LRRTM4: variants seen among roughly 807,000 people sequenced by gnomAD.
LRRTM4 encodes the protein leucine rich repeat transmembrane neuronal 4.
LRRTM4 carries 25 observed loss-of-function variants against 47.6 expected under a neutral mutation model. That is an observed-to-expected ratio of 0.53 (90% CI 0.38 to 0.73). The LOEUF is 0.73. Among genes scored for constraint, LRRTM4 ranks in the 30% least tolerant of loss-of-function variants. LRRTM4 has a pLI of 0.00. For synonymous variants in LRRTM4, 311 were observed against 269.5 expected (o/e 1.15, Z -1.51); for missense variants, 638 against 713.4 (o/e 0.89, Z 1.20).
At position 77,079,492 on chromosome 2, in the gene LRRTM4, G is replaced by A. The variant is rs189357130; in HGVS notation, c.1552-330576C>T. ...ACTTTGAATGCAGCACAACACAAAC[G>A]TATAAACTTTCTTAAAACATGAGAT... On this transcript the variant is annotated intron_variant, in intron 3 of 3. Transcript: ENST00000409884. 4.4e-3 allele frequency among the ~76,000 whole-genome samples: 675 copies of A among 152,220 alleles called. 9 individuals carry two copies. Among genetic ancestry groups the A allele is most frequent in the African/African-American group, 0.015 (629 of 41,540 alleles).
chr2:77,076,685 T>G (rs1680347290), intron 3 of LRRTM4, among the ~76,000 whole-genome samples: 1 of 152,218 alleles, frequency 6.6e-6, no homozygotes, highest in Non-Finnish European at 1.5e-5. Context: ...ATAGAAATGA[T>G]AGAATAAAAG....
chr2:77,416,009 C>T (rs1480562679), intron 3 of LRRTM4, among the ~76,000 whole-genome samples: 1 of 151,892 alleles, frequency 6.6e-6, no homozygotes, highest in Non-Finnish European at 1.5e-5. Flanking sequence ...ATATAATTGG[C>T]TAATATTTCC....
chr2:77,051,068 T>C (rs909961718), intron 3 of LRRTM4, among the ~76,000 whole-genome samples: 1 of 151,976 alleles, frequency 6.6e-6, no homozygotes, highest in Non-Finnish European at 1.5e-5. Flanking sequence ...CGGTTCTTCA[T>C]TCTGGGCAGT....
At chr2:76,807,929 T>G (rs1670589921) in intron 3 of LRRTM4, among the ~76,000 whole-genome samples, 1 of 126,788 alleles carries the variant, frequency 7.9e-6, no homozygotes, top group African/African-American at 3.3e-5. Flanking sequence ...CTTTCTTTCC[T>G]TTCCTTTCTT....
chr2:76,829,385 A>C (rs1671272199), intron 3 of LRRTM4, among the ~76,000 whole-genome samples: 2 of 151,944 alleles, frequency 1.3e-5, no homozygotes, highest in African/African-American at 4.8e-5. Flanking sequence ...ACAAATACAA[A>C]GGGCTCCCTT....
chr2:76,969,454 A>T (rs991244287), intron 3 of LRRTM4, among the ~76,000 whole-genome samples: 2 of 151,946 alleles, frequency 1.3e-5, no homozygotes, highest in African/African-American at 4.8e-5. Context: ...GAAAAGTTGT[A>T]AGAGCAGATC....
rs949612333 is a variant in LRRTM4 at position 76,824,895 on chromosome 2, G to A, written c.1552-75979C>T. 3.3e-5 allele frequency among the ~76,000 whole-genome samples: 5 copies of A among 151,538 alleles called. No individual in the cohort carries two copies. The Admixed American group carries it at 3.3e-4, about 10-fold the overall frequency. ...GAAGCAATGGGAACAAAAGTAATCA[G>A]GACAGATTTCACAGCATACATCTAG... On this transcript the variant is annotated intron_variant, in intron 3 of 3. Coordinates refer to ENST00000409884, the MANE Select transcript of LRRTM4 (RefSeq NM_001134745.3).
At chr2:77,333,949 C>T (rs290038) in intron 3 of LRRTM4, among the ~76,000 whole-genome samples, 9,188 of 152,208 alleles carry the variant, frequency 0.06, 512 homozygotes, top group African/African-American at 0.14. Context: ...CATGGGAACC[C>T]GCCTGTTGCA....
At chr2:76,911,968 C>T (rs1460387061) in intron 3 of LRRTM4, among the ~76,000 whole-genome samples, 5 of 142,570 alleles carry the variant, frequency 3.5e-5, no homozygotes, top group South Asian at 2.2e-4. Flanking sequence ...CTCGCTCTGT[C>T]GCCCAGGCTG....
At chr2:77,222,955 T>C (rs1674686305) in intron 3 of LRRTM4, among the ~76,000 whole-genome samples, 1 of 152,120 alleles carries the variant, frequency 6.6e-6, no homozygotes, top group South Asian at 2.1e-4. Context: ...GCAAAAATCC[T>C]CAATAAAATA....
intron 3 of LRRTM4, among the ~76,000 whole-genome samples, chr2:76,937,257 A>C (rs1319424969): frequency 6.6e-6 from 1 of 152,108 alleles, no homozygotes; most frequent in African/African-American, 2.4e-5. Context: ...ATATGGCAAA[A>C]ATATTTATGA....
intron 3 of LRRTM4, among the ~76,000 whole-genome samples, chr2:77,151,213 T>C (rs949974708): frequency 7.2e-5 from 11 of 152,044 alleles, no homozygotes; most frequent in Non-Finnish European, 7.4e-5. Context: ...AATTCTGGAG[T>C]ACACAATACC....
At chr2:77,324,782 C>T (rs180675073) in intron 3 of LRRTM4, among the ~76,000 whole-genome samples, 48 of 152,180 alleles carry the variant, frequency 3.2e-4, no homozygotes, top group Middle Eastern at 6.8e-3. Context: ...TAAGAAGTCA[C>T]TGACTATTTT....
In LRRTM4 at chr2:77,191,307, G is replaced by T. The variant is rs887899254; in HGVS notation, c.1551+327011C>A. On this transcript the variant is annotated intron_variant, in intron 3 of 3. Coordinates refer to ENST00000409884, the MANE Select transcript of LRRTM4 (RefSeq NM_001134745.3). ...GAAAAGAAACAAAATCTTAAATAAGGCTAATAAATCAAAAATAACAAGAAC... is the reference window on the plus strand; with the variant it reads ...GAAAAGAAACAAAATCTTAAATAAGTCTAATAAATCAAAAATAACAAGAAC... Among the ~76,000 whole-genome samples the T allele has an allele frequency of 7.9e-5, 12 of 151,650 alleles. 1 individual carries two copies. In the South Asian group the frequency reaches 2.5e-3, roughly 32 times the overall value.
chr2:76,911,171 T>A (rs1674041689), intron 3 of LRRTM4, among the ~76,000 whole-genome samples: 2 of 152,214 alleles, frequency 1.3e-5, no homozygotes, highest in Admixed American at 1.3e-4. Context: ...AAGCATGGAA[T>A]AAGGGTCAGG....
chr2:76,783,804 A>G (rs1053614925), intron 3 of LRRTM4, among the ~76,000 whole-genome samples: 2 of 152,198 alleles, frequency 1.3e-5, no homozygotes, highest in African/African-American at 4.8e-5. Flanking sequence ...CAAGTAAAAA[A>G]GAAATTCAGC....
chr2:77,349,825 A>T (rs920905593), intron 3 of LRRTM4, among the ~76,000 whole-genome samples: 2 of 152,196 alleles, frequency 1.3e-5, no homozygotes, highest in Non-Finnish European at 2.9e-5. Flanking sequence ...GTACATAAAT[A>T]ACAGATTATA....
intron 3 of LRRTM4, among the ~76,000 whole-genome samples, chr2:76,756,570 A>G (rs954549188): frequency 1.3e-5 from 2 of 152,124 alleles, no homozygotes; most frequent in East Asian, 1.9e-4. Flanking sequence ...GTGACTTCCT[A>G]AAACAAAATC....
intron 3 of LRRTM4, among the ~76,000 whole-genome samples, chr2:76,848,324 A>G (rs948195291): frequency 3.9e-5 from 6 of 152,104 alleles, no homozygotes; most frequent in Admixed American, 6.6e-5. Flanking sequence ...TAATATCTGA[A>G]AACAATAGCT....
Sources: allele counts gnomAD v4.1 joint callset (sites outside exome capture counted in the v4.1 genomes callset), GRCh38; gene constraint gnomAD v4.1.1; transcripts MANE v1.5; gene names NCBI Gene and HGNC (gene_info 2026-07-23, HGNC 2026-07-21).